The following VAV3 variants were observed in gnomAD, a reference collection of about 807,000 sequenced individuals.
VAV3 encodes vav guanine nucleotide exchange factor 3.
In VAV3, 94 loss-of-function variants were observed where a neutral mutation model predicts 131.2. That is an observed-to-expected ratio of 0.72 (90% CI 0.61 to 0.85). The LOEUF is 0.85. Among genes scored for constraint, VAV3 ranks in the 40% least tolerant of loss-of-function variants. The pLI is 0.00. For synonymous variants in VAV3, 349 were observed against 342.0 expected, an observed-to-expected ratio of 1.02 and a Z score of -0.22; for missense variants, 939 against 1,002.7, an observed-to-expected ratio of 0.94 and a Z score of 0.86.
intron 1 of VAV3, among the ~76,000 whole-genome samples, chr1:107,925,789 T>C (rs867565908): frequency 3.3e-5 from 5 of 152,032 alleles, no homozygotes; most frequent in Admixed American, 6.6e-5. Flanking sequence ...GGACACATAC[T>C]TAATGCTATT....
chr1:107,672,646 T>TCA (rs896515175), intron 19 of VAV3, among the ~76,000 whole-genome samples: 47 of 151,996 alleles, frequency 3.1e-4, no homozygotes, highest in African/African-American at 1.1e-3. Flanking sequence ...TTGATCTCTC[T>TCA]CACACACACA....
intron 2 of VAV3, among the ~76,000 whole-genome samples, chr1:107,827,919 C>T (rs913737574): frequency 6.6e-6 from 1 of 152,108 alleles, no homozygotes; most frequent in Non-Finnish European, 1.5e-5. Context: ...TCTAGACCAA[C>T]TAGAGGCTTG....
At chr1:107,887,734 C>G (rs185469523) in intron 1 of VAV3, among the ~76,000 whole-genome samples, 1 of 152,066 alleles carries the variant, frequency 6.6e-6, no homozygotes, top group African/African-American at 2.4e-5. Context: ...CTACGATACC[C>G]CAACCCATAC....
chr1:107,573,654 G>T (rs1293733702), intron 26 of VAV3, among the ~76,000 whole-genome samples: 2 of 152,166 alleles, frequency 1.3e-5, no homozygotes, highest in African/African-American at 4.8e-5. Context: ...TCCTATTTCT[G>T]CTGTAGAACA....
At chr1:107,602,548 C>A in intron 23 of VAV3, 64 bp from the exon 24 acceptor site, 2 of 1,255,930 alleles carry the variant, frequency 1.6e-6, no homozygotes, top group East Asian at 2.7e-5. Context: ...CAATAATTAC[C>A]AGAGGGCATG....
intron 15 of VAV3, among the ~76,000 whole-genome samples, chr1:107,725,298 G>A (rs1452469731): frequency 6.6e-6 from 1 of 152,102 alleles, no homozygotes; most frequent in East Asian, 1.9e-4. Flanking sequence ...TGTGACTGGT[G>A]TCATCACTAG....
At chr1:107,699,100 T>A (rs952945605) in intron 17 of VAV3, among the ~76,000 whole-genome samples, 2 of 152,136 alleles carry the variant, frequency 1.3e-5, no homozygotes, top group Non-Finnish European at 2.9e-5. Context: ...TCCCCCAAAG[T>A]CTTAACTAAT....
intron 15 of VAV3, among the ~76,000 whole-genome samples, chr1:107,731,071 C>T (rs1049977591): frequency 6.6e-6 from 1 of 152,116 alleles, no homozygotes; most frequent in African/African-American, 2.4e-5. Flanking sequence ...TTGTAAAGCA[C>T]GATATAACAG....
intron 2 of VAV3, among the ~76,000 whole-genome samples, chr1:107,858,120 TGA>T (rs1669558491): frequency 6.6e-6 from 1 of 152,198 alleles, no homozygotes; most frequent in Non-Finnish European, 1.5e-5. Context: ...CACTCTTAAG[TGA>T]GTTAACCACT....
intron 2 of VAV3, among the ~76,000 whole-genome samples, chr1:107,815,036 A>C (rs544049789): frequency 2.0e-5 from 3 of 152,228 alleles, no homozygotes; most frequent in Admixed American, 2.0e-4. Context: ...GGAAAATTCC[A>C]TATCAGTTTT....
At chr1:107,695,487 T>A (rs1036856918) in intron 17 of VAV3, among the ~76,000 whole-genome samples, 1 of 152,090 alleles carries the variant, frequency 6.6e-6, no homozygotes, top group Non-Finnish European at 1.5e-5. Flanking sequence ...CCCAGGTCTA[T>A]GTGAGTGTTT....
intron 19 of VAV3, among the ~76,000 whole-genome samples, chr1:107,666,076 T>A (rs1176574715): frequency 6.6e-6 from 1 of 152,208 alleles, no homozygotes; most frequent in African/African-American, 2.4e-5. Flanking sequence ...GAGGTTTTTA[T>A]GCCAGTATTT....
intron 10 of VAV3, among the ~76,000 whole-genome samples, chr1:107,758,332 G>A (rs1664228245): frequency 6.6e-6 from 1 of 152,090 alleles, no homozygotes; most frequent in African/African-American, 2.4e-5. Flanking sequence ...CACATTTCCA[G>A]GCTGAGATGG....
At chr1:107,760,029 AAT>A (rs1411256784) in intron 10 of VAV3, among the ~76,000 whole-genome samples, 2 of 152,206 alleles carry the variant, frequency 1.3e-5, no homozygotes. Flanking sequence ...GTAGAACAAA[AAT>A]AGAGATGACT....
intron 1 of VAV3, among the ~76,000 whole-genome samples, chr1:107,894,811 A>G (rs1307041434): frequency 6.6e-6 from 1 of 152,192 alleles, no homozygotes; most frequent in Non-Finnish European, 1.5e-5. Context: ...AAGTACCCCT[A>G]ATGACAGAGG....
intron 15 of VAV3, among the ~76,000 whole-genome samples, chr1:107,728,594 CGTATACGTATATGTATAT>C (rs1204018930): frequency 2.9e-5 from 2 of 69,324 alleles, no homozygotes; most frequent in African/African-American, 4.5e-5. Flanking sequence ...CATATGTATA[CGTATACGTATATGTATAT>C]GTATATGTAT....
Position 107,964,718 on chromosome 1 carries a change from C to T in VAV3, c.152G>A (p.Arg51Gln), listed in dbSNP as rs1489704053. Residue 51 changes from arginine to glutamine, a missense_variant, in exon 1 of 27, where the codon CGG (arginine) becomes CAG (glutamine). Transcript: ENST00000370056. ...VLLCQLLNNL[R>Q]AHSINLKEIN... ...CTCCTTCAGGTTGATGGAGTGCGCC[C>T]GGAGGTTGTTAAGCAGCTGGCAGAG... 5.0e-6 allele frequency: 8 copies of T among 1,614,098 alleles called. No homozygotes were observed. In the East Asian group the frequency reaches 1.6e-4, roughly 31 times the overall value.
intron 2 of VAV3, among the ~76,000 whole-genome samples, chr1:107,806,814 T>G (rs912723192): frequency 9.9e-5 from 15 of 152,176 alleles, no homozygotes; most frequent in African/African-American, 3.4e-4. Flanking sequence ...TTTGTTCCAG[T>G]ACCTCCCTCA....
Position 107,715,789 on chromosome 1 carries a change from G to A in VAV3, c.1503-10728C>T, listed in dbSNP as rs542463924. ...TAAGAAATCAATTCTAGAGAATTTG[G>A]ATTTTCTCATTCTCTGGTCCAATAA... On this transcript the variant is annotated intron_variant, in intron 15 of 26. Transcript: ENST00000370056. 3.3e-5 allele frequency among the ~76,000 whole-genome samples: 5 copies of A among 152,254 alleles called. No individual in the cohort carries two copies. In the South Asian group the frequency reaches 1.0e-3, roughly 32 times the overall value.
Sources: gnomAD v4.1 joint callset for allele counts (sites outside exome capture counted in the v4.1 genomes callset) on GRCh38, gnomAD v4.1.1 for gene constraint, MANE v1.5 for transcripts, NCBI Gene and HGNC (gene_info 2026-07-23, HGNC 2026-07-21) for gene names.